Variants in MEIOB observed in about 807,000 individuals in gnomAD.
The protein encoded by MEIOB is meiosis-specific with OB domain-containing protein.
Under a neutral mutation model 53.1 loss-of-function variants are expected in MEIOB, and 50 were observed. The ratio of observed to expected loss-of-function variants is 0.94; its 90% CI spans 0.75 to 1.19. The LOEUF is 1.19. Among genes scored for constraint, MEIOB ranks in the 50% most tolerant of loss-of-function variants. The pLI is 0.00. For missense variants in MEIOB, 551 were observed against 550.8 expected (o/e 1.00, Z 0.00); for synonymous variants, 192 against 182.5 (o/e 1.05, Z -0.42).
intron 13 of MEIOB, among the ~76,000 whole-genome samples, chr16:1,834,641 A>G (rs1190451178): frequency 1.3e-5 from 2 of 152,236 alleles, no homozygotes; most frequent in African/African-American, 2.4e-5. Context: ...TAAAAGTCTA[A>G]TGTGGCCGGG....
At position 1,868,184 on chromosome 16, in the gene MEIOB, T is replaced by G. The variant is rs938063154; in HGVS notation, c.-9A>C. ...GCAAAGGAGTTTGCCATTTTTTTAA[T>G]CTGCATTTTAGAAAATATAATTTAG... On this transcript the variant is annotated splice_region_variant and 5_prime_UTR_variant, in exon 2 of 14. Coordinates refer to ENST00000325962, the MANE Select transcript of MEIOB (RefSeq NM_001163560.3). 3.4e-6 allele frequency: 5 copies of G among 1,475,918 alleles called. No homozygotes were observed. Among genetic ancestry groups the G allele is most frequent in the Non-Finnish European group, 3.7e-6 (4 of 1,084,384 alleles). 91.4% of individuals were successfully genotyped at this position (1,475,918 alleles called of 1,614,324 possible).
intron 6 of MEIOB, among the ~76,000 whole-genome samples, chr16:1,857,025 G>C (rs1278445252): frequency 6.6e-6 from 1 of 152,146 alleles, no homozygotes; most frequent in East Asian, 1.9e-4. Flanking sequence ...GTCTCCCAAA[G>C]TGCTAGGATC....
At chr16:1,865,409 G>A (rs1487738507) in intron 3 of MEIOB, among the ~76,000 whole-genome samples, 2 of 145,584 alleles carry the variant, frequency 1.4e-5, no homozygotes, top group East Asian at 4.0e-4. Context: ...TCCAGCCTGA[G>A]TGACAGAGCG....
chr16:1,863,330 C>T (rs562222481), intron 3 of MEIOB, among the ~76,000 whole-genome samples: 58 of 151,098 alleles, frequency 3.8e-4, no homozygotes, highest in Non-Finnish European at 7.1e-4. Flanking sequence ...TACAGACGCA[C>T]ACCACCATGC....
In MEIOB at chr16:1,872,028, C is replaced by T. The variant is rs1366195866; in HGVS notation, c.-45G>A. ...CCCGGCCGGCTGCTCCCCGGGCCTG[C>T]ACAGCTGCCGCCGCGGCCTCGCGGA... On this transcript the variant is annotated 5_prime_UTR_variant, in exon 1 of 14. Coordinates refer to ENST00000325962, the MANE Select transcript of MEIOB (RefSeq NM_001163560.3). 6.6e-6 allele frequency: 1 copy of T among 150,958 alleles called. No homozygotes were observed. Among genetic ancestry groups the T allele is most frequent in the Non-Finnish European group, 1.5e-5 (1 of 67,724 alleles). The allele number at this position is 150,958 out of a possible 1,614,324, so 9.4% of individuals were successfully genotyped here. A position where few individuals can be genotyped will look rare whatever the true frequency, so the allele number is the denominator to read the frequency against.
chr16:1,861,813 G>GC lies in MEIOB; in HGVS notation c.259+171dup, dbSNP rs547216781. On this transcript the variant is annotated intron_variant, in intron 4 of 13. Transcript: ENST00000325962. The stretch of plus-strand genomic sequence containing the variant: ...GCCTCCCAAAGTGTTGGGATTACAG[G>GC]CATGAGCCACCGTGCCCCACTGCAT... 2.4e-4 allele frequency among the ~76,000 whole-genome samples: 37 copies of GC among 152,164 alleles called. No homozygotes were observed. The East Asian group carries it at 7.1e-3, about 29-fold the overall frequency.
intron 5 of MEIOB, 140 bp from the exon 6 acceptor site, chr16:1,858,070 TAATACAGCA>T: frequency 1.7e-6 from 1 of 593,962 alleles, no homozygotes; most frequent in Non-Finnish European, 2.9e-6. Context: ...AAACATTGAA[TAATACAGCA>T]AAACATTTTT....
At chr16:1,867,977 A>G in intron 2 of MEIOB, 130 bp downstream of exon 2, 1 of 526,804 alleles carries the variant, frequency 1.9e-6, no homozygotes. Context: ...TCTAACAATT[A>G]TACCAATGCA....
intron 6 of MEIOB, among the ~76,000 whole-genome samples, chr16:1,854,658 A>G (rs1430676303): frequency 6.6e-6 from 1 of 152,192 alleles, no homozygotes; most frequent in East Asian, 1.9e-4. Flanking sequence ...TGTGGTATAA[A>G]AAGTGTCCAC....
At chr16:1,852,914 A>G (rs1169241256) in intron 9 of MEIOB, 125 bp downstream of exon 9, 11 of 648,950 alleles carry the variant, frequency 1.7e-5, no homozygotes, top group Non-Finnish European at 2.3e-5. Flanking sequence ...AAGTTATATA[A>G]AGCAATTTTT....
At chr16:1,870,649 T>C (rs1452210644) in intron 1 of MEIOB, among the ~76,000 whole-genome samples, 5 of 152,198 alleles carry the variant, frequency 3.3e-5, no homozygotes, top group African/African-American at 1.2e-4. Context: ...TCACAGTCAA[T>C]GATGGCCCTG....
chr16:1,839,743 C>A (rs1170805270), intron 11 of MEIOB: 5 of 284,956 alleles, frequency 1.8e-5, no homozygotes, highest in Non-Finnish European at 2.7e-5. Flanking sequence ...CTTCTCGTAT[C>A]CCAGCCTGCA....
chr16:1,844,659 G>A (rs538494362), intron 10 of MEIOB, among the ~76,000 whole-genome samples: 7 of 147,180 alleles, frequency 4.8e-5, no homozygotes, highest in Middle Eastern at 4.1e-3. Context: ...ACGGCGTTTT[G>A]CCATGTTGGC....
chr16:1,856,197 C>G (rs1307538287), intron 6 of MEIOB, among the ~76,000 whole-genome samples: 1 of 151,522 alleles, frequency 6.6e-6, no homozygotes, highest in Non-Finnish European at 1.5e-5. Context: ...GTTCTGTCGC[C>G]CAGACTGGAG....
intron 4 of MEIOB, 57 bp from the exon 5 acceptor site, chr16:1,860,532 A>C: frequency 1.3e-5 from 12 of 957,836 alleles, no homozygotes; most frequent in Non-Finnish European, 1.8e-5. Context: ...ATAAACACTA[A>C]CATCCTAAAT....
chr16:1,835,241 G>C (rs559102466), intron 13 of MEIOB, among the ~76,000 whole-genome samples: 8 of 150,802 alleles, frequency 5.3e-5, no homozygotes, highest in African/African-American at 2.0e-4. Context: ...GTGACAGAGC[G>C]AGCAGAGTGA....
At position 1,834,224 on chromosome 16, in the gene MEIOB, T is replaced by C. The variant is rs574188290; in HGVS notation, c.*32A>G. ...ATTTTAAAGGGAGTTAAAACTCTTA[T>C]ACTTTTCCAGAGTTCAAAATGATAG... On this transcript the variant is annotated 3_prime_UTR_variant, in exon 14 of 14. Coordinates refer to ENST00000325962, the MANE Select transcript of MEIOB (RefSeq NM_001163560.3). The C allele has an allele frequency of 1.4e-5, 16 of 1,177,020 alleles. No homozygotes were observed. The highest frequency in any genetic ancestry group is 1.9e-4 in the Middle Eastern group (1 of 5,180). 72.9% of individuals were successfully genotyped at this position (1,177,020 alleles called of 1,614,324 possible). A position where few individuals can be genotyped will look rare whatever the true frequency, so the allele number is the denominator to read the frequency against.
chr16:1,845,657 C>T (rs918502639), intron 9 of MEIOB, among the ~76,000 whole-genome samples: 5 of 151,450 alleles, frequency 3.3e-5, no homozygotes, highest in Admixed American at 6.6e-5. Context: ...GAATTTTATA[C>T]GTATTTCTTT....
chr16:1,848,594 A>G (rs62038447), intron 9 of MEIOB, among the ~76,000 whole-genome samples: 24,883 of 133,304 alleles, frequency 0.19, 2,272 homozygotes, highest in South Asian at 0.28. Context: ...CCAGGCTGGG[A>G]TGCAGTGGCA....
Sources: allele counts gnomAD v4.1 joint callset (sites outside exome capture counted in the v4.1 genomes callset), GRCh38; gene constraint gnomAD v4.1.1; transcripts MANE v1.5; gene names NCBI Gene and HGNC (gene_info 2026-07-23, HGNC 2026-07-21).